Variants in ROBO1 observed in about 807,000 individuals in gnomAD.
ROBO1 encodes roundabout guidance receptor 1.
ROBO1 carries 149 observed loss-of-function variants against 195.9 expected under a neutral mutation model. That is an observed-to-expected ratio of 0.76 (90% CI 0.67 to 0.87). The LOEUF is 0.87. ROBO1 is among the 40% of genes least tolerant of loss of function. The pLI is 0.00. For synonymous variants in ROBO1, 816 were observed against 733.2 expected (o/e 1.11, Z -1.82); for missense variants, 1,933 against 2,068.3 (o/e 0.93, Z 1.27).
intron 1 of ROBO1, among the ~76,000 whole-genome samples, chr3:79,667,098 G>T (rs1172210786): frequency 6.6e-6 from 1 of 151,704 alleles, no homozygotes; most frequent in Admixed American, 6.6e-5. Context: ...TAGATTACAC[G>T]TGTCACTCTG....
At chr3:79,121,222 C>A (rs1358569964) in intron 3 of ROBO1, among the ~76,000 whole-genome samples, 2 of 152,160 alleles carry the variant, frequency 1.3e-5, no homozygotes, top group East Asian at 3.9e-4. Flanking sequence ...AGATTCAGTA[C>A]ATACACGTTA....
rs141369914 is a variant in ROBO1, at chr3:79,104,526, T to G, written c.172+20930A>C. Among the ~76,000 whole-genome samples, 671 of 151,824 alleles carry G rather than the reference T, an allele frequency of 4.4e-3. 6 individuals are homozygous for G. Among genetic ancestry groups the G allele is most frequent in the Non-Finnish European group, 6.0e-3 (407 of 67,780 alleles). ...AGAGCAGACACCTGGTTTAGCACCT[T>G]CTGATTTTTTTTATTATTAGTTCTT... On this transcript the variant is annotated intron_variant, in intron 3 of 30. Coordinates refer to ENST00000464233, the MANE Select transcript of ROBO1 (RefSeq NM_002941.4).
intron 8 of ROBO1, among the ~76,000 whole-genome samples, chr3:78,691,200 T>C (rs2081166500): frequency 6.6e-6 from 1 of 152,202 alleles, no homozygotes; most frequent in Non-Finnish European, 1.5e-5. Context: ...CATCGTTATC[T>C]ATCAATTTAG....
chr3:78,974,161 A>G (rs1437056083), intron 3 of ROBO1, among the ~76,000 whole-genome samples: 1 of 152,182 alleles, frequency 6.6e-6, no homozygotes, highest in Non-Finnish European at 1.5e-5. Context: ...ATCCTGTATT[A>G]TATTTGCATC....
chr3:78,878,666 T>C (rs1208917924), intron 4 of ROBO1, among the ~76,000 whole-genome samples: 3 of 137,246 alleles, frequency 2.2e-5, no homozygotes, highest in Non-Finnish European at 3.1e-5. Flanking sequence ...CAAAATAAAA[T>C]AGACAAGTTA....
chr3:79,524,175 G>GTA (rs1941333122), intron 2 of ROBO1, among the ~76,000 whole-genome samples: 1 of 151,020 alleles, frequency 6.6e-6, no homozygotes, highest in Admixed American at 6.6e-5. Context: ...GTAAGTGTGT[G>GTA]TGTGTGTGTG....
chr3:79,185,743 T>C (rs561356541), intron 2 of ROBO1, among the ~76,000 whole-genome samples: 1 of 152,264 alleles, frequency 6.6e-6, no homozygotes, highest in East Asian at 1.9e-4. Flanking sequence ...TCTGGCCTTT[T>C]AGGTTGGCCA....
rs184051537 is a variant in ROBO1 at position 79,751,659 on chromosome 3, T to C, written c.-51+16093A>G. On this transcript the variant is annotated intron_variant, in intron 1 of 30. Transcript: ENST00000464233. ...TCACTAAGAAGAAAGGCTTAAATAT[T>C]TAAGGATGGTTATCGTATTTCAATG... Among the ~76,000 whole-genome samples, 899 of 152,276 alleles carry C rather than the reference T, an allele frequency of 5.9e-3. 8 individuals are homozygous for C. Among genetic ancestry groups the C allele is most frequent in the Middle Eastern group, 0.037 (11 of 294 alleles).
At chr3:79,481,269 T>C (rs536895568) in intron 2 of ROBO1, among the ~76,000 whole-genome samples, 1 of 152,272 alleles carries the variant, frequency 6.6e-6, no homozygotes, top group Admixed American at 6.5e-5. Flanking sequence ...AAAATAAAGA[T>C]ATTAGTAGAA....
intron 4 of ROBO1, among the ~76,000 whole-genome samples, chr3:78,812,092 G>T (rs1025234473): frequency 6.6e-6 from 1 of 152,028 alleles, no homozygotes; most frequent in African/African-American, 2.4e-5. Context: ...ACCAGCACAC[G>T]TTTTGTTATG....
intron 2 of ROBO1, among the ~76,000 whole-genome samples, chr3:79,493,548 T>C (rs1939577249): frequency 6.6e-6 from 1 of 152,058 alleles, no homozygotes; most frequent in Non-Finnish European, 1.5e-5. Flanking sequence ...TGTTTTGTTT[T>C]GTTTTTTGTT....
chr3:78,991,508 T>C (rs1195804295), intron 3 of ROBO1, among the ~76,000 whole-genome samples: 1 of 152,124 alleles, frequency 6.6e-6, no homozygotes, highest in Non-Finnish European at 1.5e-5. Flanking sequence ...CAGCTGGCAT[T>C]TACCTCCAGC....
At chr3:79,078,812 A>G (rs2079219905) in intron 3 of ROBO1, among the ~76,000 whole-genome samples, 1 of 151,760 alleles carries the variant, frequency 6.6e-6, no homozygotes, top group African/African-American at 2.4e-5. Flanking sequence ...AGGGAACCAA[A>G]TAATTAGTGA....
At chr3:79,385,602 GT>G (rs2036714705) in intron 2 of ROBO1, among the ~76,000 whole-genome samples, 1 of 152,090 alleles carries the variant, frequency 6.6e-6, no homozygotes, top group South Asian at 2.1e-4. Context: ...GCAATAATCA[GT>G]TGTGACCTTA....
intron 4 of ROBO1, among the ~76,000 whole-genome samples, chr3:78,877,262 G>A (rs986289846): frequency 6.6e-6 from 1 of 152,028 alleles, no homozygotes; most frequent in Non-Finnish European, 1.5e-5. Flanking sequence ...TTATTGTGGA[G>A]CATTTTAAGA....
intron 2 of ROBO1, among the ~76,000 whole-genome samples, chr3:79,425,947 C>T (rs561750098): frequency 1.9e-4 from 29 of 152,200 alleles, no homozygotes; most frequent in African/African-American, 6.0e-4. Flanking sequence ...TTCAGCTGTT[C>T]TCAAATAATT....
At chr3:79,465,909 A>C (rs955475530) in intron 2 of ROBO1, among the ~76,000 whole-genome samples, 1 of 152,074 alleles carries the variant, frequency 6.6e-6, no homozygotes, top group Non-Finnish European at 1.5e-5. Context: ...TTCCAAGAAT[A>C]AACTACAACA....
At chr3:78,936,258 AGTT>A (rs1445011249) in intron 4 of ROBO1, among the ~76,000 whole-genome samples, 1 of 152,040 alleles carries the variant, frequency 6.6e-6, no homozygotes, top group Non-Finnish European at 1.5e-5. Flanking sequence ...CAAGAAATAC[AGTT>A]GTTGTTACAG....
intron 1 of ROBO1, among the ~76,000 whole-genome samples, chr3:79,726,086 A>C (rs1702914618): frequency 6.6e-6 from 1 of 152,206 alleles, no homozygotes; most frequent in Admixed American, 6.5e-5. Flanking sequence ...TAAGGACACA[A>C]AATGTAATGT....
Sources: gnomAD v4.1 joint callset for allele counts (sites outside exome capture counted in the v4.1 genomes callset) on GRCh38, gnomAD v4.1.1 for gene constraint, MANE v1.5 for transcripts, NCBI Gene and HGNC (gene_info 2026-07-23, HGNC 2026-07-21) for gene names.